The following PICALM variants were observed in gnomAD, a reference collection of about 807,000 sequenced individuals.
PICALM encodes phosphatidylinositol binding clathrin assembly protein.
In PICALM, 40 loss-of-function variants were observed where a neutral mutation model predicts 80.5. The observed-to-expected ratio is 0.50, with a 90% CI of 0.39 to 0.65. The LOEUF (loss-of-function observed/expected upper bound fraction) is 0.65. Ranked by LOEUF, PICALM falls within the 30% of genes least tolerant of loss-of-function variation. The pLI is 0.00. For missense variants in PICALM, 676 were observed against 778.9 expected, an observed-to-expected ratio of 0.87 and a Z score of 1.57; for synonymous variants, 288 against 260.3, an observed-to-expected ratio of 1.11 and a Z score of -1.02.
At position 86,068,891 on chromosome 11, in the gene PICALM, TC is replaced by T; in HGVS notation, c.-112del. 7.2e-7 allele frequency: 1 copy of T among 1,387,036 alleles called. No homozygotes were observed. Among genetic ancestry groups the T allele is most frequent in the Non-Finnish European group, 9.5e-7 (1 of 1,057,230 alleles). The allele number at this position is 1,387,036 out of a possible 1,614,324, so 85.9% of individuals were successfully genotyped here. On this transcript the variant is annotated 5_prime_UTR_variant, in exon 1 of 20. Coordinates refer to ENST00000393346, the MANE Select transcript of PICALM (RefSeq NM_007166.4). ...GCACCCCCTACCCCCACCGGCTCCT[TC>T]CCCGCCTGCCGGCCTGGGGCGCGGT...
chr11:86,065,163 G>T (rs1274516555), intron 1 of PICALM, among the ~76,000 whole-genome samples: 2 of 152,050 alleles, frequency 1.3e-5, no homozygotes, highest in Non-Finnish European at 2.9e-5. Flanking sequence ...TAAAAATTGT[G>T]GGCCAGGCAC....
intron 4 of PICALM, among the ~76,000 whole-genome samples, chr11:86,018,284 AC>A (rs1477786973): frequency 6.6e-6 from 1 of 152,178 alleles, no homozygotes. Context: ...GCTCAATATC[AC>A]CATTTATTCA....
chr11:86,000,561 T>A, intron 11 of PICALM, 82 bp downstream of exon 11: 1 of 1,103,180 alleles, frequency 9.1e-7, no homozygotes, highest in Non-Finnish European at 1.3e-6. Flanking sequence ...TAAATAAAAG[T>A]AAACCTGAAA....
At chr11:85,986,441 A>T (rs113479841) in intron 13 of PICALM, among the ~76,000 whole-genome samples, 30,129 of 133,312 alleles carry the variant, frequency 0.23, 3,501 homozygotes, top group East Asian at 0.51. Context: ...CGGACTGCGG[A>T]CTGCAGTGGC....
chr11:86,002,561 G>C (rs937470882), intron 9 of PICALM, among the ~76,000 whole-genome samples: 1 of 152,174 alleles, frequency 6.6e-6, no homozygotes, highest in African/African-American at 2.4e-5. Context: ...ACATAATAAA[G>C]TGATTAAAAT....
At chr11:85,974,864 G>T (rs750882643) in intron 18 of PICALM, 52 bp from the exon 19 acceptor site, 3 of 1,213,450 alleles carry the variant, frequency 2.5e-6, no homozygotes, top group Non-Finnish European at 3.7e-6. Flanking sequence ...TCCTTATTGT[G>T]ACTAAGTAAA....
At chr11:85,961,878 T>C (rs1565191220) in intron 19 of PICALM, among the ~76,000 whole-genome samples, 1 of 151,922 alleles carries the variant, frequency 6.6e-6, no homozygotes, top group Non-Finnish European at 1.5e-5. Flanking sequence ...TATTTATTTA[T>C]TTATTTATTT....
At chr11:85,989,736 C>A (rs1051608106) in intron 13 of PICALM, among the ~76,000 whole-genome samples, 1 of 151,766 alleles carries the variant, frequency 6.6e-6, no homozygotes, top group Non-Finnish European at 1.5e-5. Flanking sequence ...AAAGTGAAAT[C>A]CTTCAGAATG....
rs184289919 is a variant in PICALM at position 85,987,629 on chromosome 11, G to A, written c.1408+2621C>T. Among the ~76,000 whole-genome samples, 9 of 152,310 alleles carry A rather than the reference G, an allele frequency of 5.9e-5. No homozygotes were observed. In the East Asian group the frequency reaches 1.7e-3, roughly 29 times the overall value. ...ATTATGATGTGGTCCACATATACAA[G>A]AATTTTAAATTCTTTAAATTTTCTG... On this transcript the variant is annotated intron_variant, in intron 13 of 19. Coordinates refer to ENST00000393346, the MANE Select transcript of PICALM (RefSeq NM_007166.4).
rs2095752639 is a variant in PICALM at position 86,031,572 on chromosome 11, G to A, written c.170C>T (p.Pro57Leu). Residue 57 changes from proline (P) to leucine (L), a missense_variant, in exon 2 of 20, where the codon CCA becomes CTA. Physicochemically the swap from Pro to Leu is moderately conservative, Grantham distance 98. This residue lies in a region of PICALM where 285 missense variants were observed against 395.4 expected (regional missense o/e 0.72). Transcript: ENST00000393346. ...TTCAAATAAACTGTCTGCCAACTGTGGGATGTTCACATTCATCTCATTTGT... is the reference window on the plus strand; with the variant it reads ...TTCAAATAAACTGTCTGCCAACTGTAGGATGTTCACATTCATCTCATTTGT... ...QCTNEMNVNI[P>L]QLADSLFERT... The A allele has an allele frequency of 6.2e-7, 1 of 1,611,784 alleles. No homozygotes were observed. The highest frequency in any genetic ancestry group is 1.3e-5 in the African/African-American group (1 of 74,878).
chr11:85,960,661 A>G (rs2093659138), intron 19 of PICALM: 1 of 1,144,966 alleles, frequency 8.7e-7, no homozygotes, highest in Non-Finnish European at 1.2e-6. Context: ...ATCTCCCAAA[A>G]CAAGTAGCAA....
intron 1 of PICALM, among the ~76,000 whole-genome samples, chr11:86,066,618 T>C (rs1460156803): frequency 6.6e-6 from 1 of 152,086 alleles, no homozygotes; most frequent in Non-Finnish European, 1.5e-5. Flanking sequence ...AAAGAACCAC[T>C]GCTACATTTG....
rs116210752 is a variant in PICALM, at chr11:86,026,211, A to C, written c.349+81T>G. 4.1e-4 allele frequency: 312 copies of C among 769,402 alleles called. No individual in the cohort carries two copies. In the African/African-American group the frequency reaches 4.9e-3, roughly 12 times the overall value. 47.7% of individuals were successfully genotyped at this position (769,402 alleles called of 1,614,324 possible). On this transcript the variant is annotated intron_variant, in intron 3 of 19. Transcript: ENST00000393346. ...TAAGGTTTAAAGTAGCACATGTTCTAAAAGACAGAGTTCTACTCTGGAGTA... is the reference window on the plus strand; with the variant it reads ...TAAGGTTTAAAGTAGCACATGTTCTCAAAGACAGAGTTCTACTCTGGAGTA...
Position 86,068,511 on chromosome 11 carries a change from A to T in PICALM, c.130+140T>A, listed in dbSNP as rs1012996250. The T allele has an allele frequency of 1.1e-4, 81 of 742,038 alleles. No individual in the cohort carries two copies. The African/African-American group carries it at 1.3e-3, about 12-fold the overall frequency. 46.0% of individuals were successfully genotyped at this position (742,038 alleles called of 1,614,324 possible). On this transcript the variant is annotated intron_variant, in intron 1 of 19. Transcript: ENST00000393346. ...GATGGAAGCAAAAGAACACAGCTCA[A>T]CGGGCACAGGACCGGCCGTGCCAGA...
chr11:86,054,590 A>C (rs1277437515), intron 1 of PICALM, among the ~76,000 whole-genome samples: 1 of 151,900 alleles, frequency 6.6e-6, no homozygotes, highest in Non-Finnish European at 1.5e-5. Context: ...TTCATCCTTA[A>C]AGTTCCTGTT....
intron 19 of PICALM, 93 bp from the exon 20 acceptor site, chr11:85,959,153 C>T (rs988149099): frequency 1.4e-5 from 11 of 775,320 alleles, no homozygotes; most frequent in Admixed American, 7.3e-5. Context: ...TTTAACTGGC[C>T]CAGAAGTGTT....
intron 3 of PICALM, among the ~76,000 whole-genome samples, chr11:86,023,735 G>A (rs2095604044): frequency 6.6e-6 from 1 of 152,160 alleles, no homozygotes; most frequent in South Asian, 2.1e-4. Context: ...AATGAGGGAG[G>A]AAGTGAAAAT....
At chr11:85,975,857 A>G (rs1215826635) in intron 18 of PICALM, among the ~76,000 whole-genome samples, 4 of 152,156 alleles carry the variant, frequency 2.6e-5, no homozygotes, top group Non-Finnish European at 4.4e-5. Flanking sequence ...TTGGCCTCCC[A>G]AAGTGCTGGG....
intron 19 of PICALM, among the ~76,000 whole-genome samples, chr11:85,967,748 G>A (rs1300575802): frequency 1.3e-5 from 2 of 151,732 alleles, no homozygotes; most frequent in African/African-American, 2.4e-5. Flanking sequence ...AAACCAAAAC[G>A]AAACCTAAAA....
Sources: allele counts gnomAD v4.1 joint callset (sites outside exome capture counted in the v4.1 genomes callset), GRCh38; gene constraint gnomAD v4.1.1; regional missense constraint gnomAD v4.1.1; transcripts MANE v1.5; gene names NCBI Gene and HGNC (gene_info 2026-07-23, HGNC 2026-07-21).